Variants in C1orf94 observed in about 807,000 individuals in gnomAD.
C1orf94 encodes uncharacterized protein C1orf94.
In C1orf94, 45 loss-of-function variants were observed where a neutral mutation model predicts 53.6. That is an observed-to-expected ratio of 0.84 (90% CI 0.66 to 1.08). The LOEUF is 1.08. Among genes scored for constraint, C1orf94 ranks in the 50% least tolerant of loss-of-function variants. The probability of loss-of-function intolerance (pLI) is 0.00; values close to 1 mark genes in which losing one functional copy is unlikely to be tolerated. For missense variants in C1orf94, 762 were observed against 738.9 expected, an observed-to-expected ratio of 1.03 and a Z score of -0.36; for synonymous variants, 304 against 296.1, an observed-to-expected ratio of 1.03 and a Z score of -0.27.
intron 1 of C1orf94, among the ~76,000 whole-genome samples, chr1:34,187,478 T>C (rs138867073): frequency 0.016 from 2,466 of 152,216 alleles, 38 homozygotes; most frequent in Non-Finnish European, 0.027. Context: ...TCGGGAGCTG[T>C]GTCGCAGGTT....
At position 34,193,038 on chromosome 1, in the gene C1orf94, G is replaced by A. The variant is rs188039622; in HGVS notation, c.321-4187G>A. Among the ~76,000 whole-genome samples, 19 of 152,298 alleles carry A rather than the reference G, an allele frequency of 1.2e-4. 1 individual carries two copies. The South Asian group carries it at 2.1e-3, about 17-fold the overall frequency. On this transcript the variant is annotated intron_variant, in intron 1 of 6. Coordinates refer to ENST00000488417, the MANE Select transcript of C1orf94 (RefSeq NM_001134734.2). ...GAGAATGTCCTAGCTCTGCAGGCAC[G>A]TAGTTTTCTAGAATAAATAAGAACA...
intron 1 of C1orf94, among the ~76,000 whole-genome samples, chr1:34,193,980 A>G (rs1025627789): frequency 3.3e-5 from 5 of 152,166 alleles, no homozygotes; most frequent in Non-Finnish European, 7.3e-5. Flanking sequence ...TCTGGAGGCC[A>G]TATCCCCTGA....
Position 34,201,037 on chromosome 1 carries a change from G to A in C1orf94, c.1270+5G>A. ...TGGATGGGCCGGAGCTGAAATGTGA[G>A]CTGACCTACCCAGGGAGGGATTGGA... On this transcript the variant is annotated splice_donor_5th_base_variant and intron_variant, in intron 3 of 6. Coordinates refer to ENST00000488417, the MANE Select transcript of C1orf94 (RefSeq NM_001134734.2). 6.3e-7 allele frequency: 1 copy of A among 1,579,272 alleles called. No homozygotes were observed. The highest frequency in any genetic ancestry group is 1.1e-5 in the South Asian group (1 of 87,100).
chr1:34,169,003 T>A (rs577037985), intron 1 of C1orf94, among the ~76,000 whole-genome samples: 1 of 152,302 alleles, frequency 6.6e-6, no homozygotes, highest in Admixed American at 6.5e-5. Flanking sequence ...CTGTTTACAT[T>A]TATTTTCTGT....
chr1:34,214,292 G>A (rs144400910), intron 6 of C1orf94, among the ~76,000 whole-genome samples: 3 of 152,180 alleles, frequency 2.0e-5, no homozygotes, highest in African/African-American at 7.2e-5. Context: ...TGAAGAATTA[G>A]ATTTGTCTCT....
At chr1:34,185,445 G>A (rs1642371349) in intron 1 of C1orf94, among the ~76,000 whole-genome samples, 1 of 152,208 alleles carries the variant, frequency 6.6e-6, no homozygotes, top group Non-Finnish European at 1.5e-5. Flanking sequence ...CTCTCAAAGT[G>A]CTGGGATTAT....
intron 1 of C1orf94, among the ~76,000 whole-genome samples, chr1:34,191,701 C>A (rs910523804): frequency 6.6e-6 from 1 of 152,044 alleles, no homozygotes; most frequent in Non-Finnish European, 1.5e-5. Flanking sequence ...TTTTGGTATC[C>A]TCCTCCAGCA....
intron 1 of C1orf94, among the ~76,000 whole-genome samples, chr1:34,178,399 C>T (rs1172551146): frequency 2.0e-5 from 3 of 152,174 alleles, no homozygotes; most frequent in Non-Finnish European, 4.4e-5. Context: ...GAAAAACCAC[C>T]CTAGCTAAGG....
intron 1 of C1orf94, among the ~76,000 whole-genome samples, chr1:34,195,431 T>C (rs945393736): frequency 2.6e-5 from 4 of 152,184 alleles, no homozygotes; most frequent in Admixed American, 2.6e-4. Context: ...GTCTGGAGTC[T>C]GCTTTTTGCA....
At chr1:34,182,553 C>T (rs1642326473) in intron 1 of C1orf94, among the ~76,000 whole-genome samples, 1 of 152,102 alleles carries the variant, frequency 6.6e-6, no homozygotes. Context: ...CTAATGGTGG[C>T]AGTGGCTGGG....
At chr1:34,187,767 C>CCA in intron 1 of C1orf94, among the ~76,000 whole-genome samples, 2 of 22,906 alleles carry the variant, frequency 8.7e-5, no homozygotes, top group African/African-American at 1.8e-4. Context: ...CTGAATCCAC[C>CCA]CACCCCCCCC....
intron 1 of C1orf94, among the ~76,000 whole-genome samples, chr1:34,185,058 T>C (rs1642364919): frequency 6.6e-6 from 1 of 152,168 alleles, no homozygotes; most frequent in South Asian, 2.1e-4. Context: ...AAACACATCC[T>C]CACATCTCTC....
intron 1 of C1orf94, among the ~76,000 whole-genome samples, chr1:34,171,602 G>C (rs956032607): frequency 6.6e-6 from 1 of 152,186 alleles, no homozygotes; most frequent in Non-Finnish European, 1.5e-5. Flanking sequence ...ATGTTATGCT[G>C]TCTTCAGAGA....
chr1:34,199,263 G>C (rs751247219), intron 2 of C1orf94, among the ~76,000 whole-genome samples: 9 of 152,208 alleles, frequency 5.9e-5, no homozygotes, highest in Non-Finnish European at 1.3e-4. Flanking sequence ...GATGTTTAAG[G>C]CATCTGTAAA....
chr1:34,209,285 A>AACACACACACACACACAC lies in C1orf94; in HGVS notation c.1524+1069_1524+1086dup, dbSNP rs59376155. Among the ~76,000 whole-genome samples the AACACACACACACACACAC allele has an allele frequency of 3.9e-4, 56 of 143,722 alleles. 1 individual carries two copies. The highest frequency in any genetic ancestry group is 1.4e-3 in the African/African-American group (54 of 38,864). The allele number at this position is 143,722 out of a possible 152,430, so 94.3% of individuals were successfully genotyped here. On this transcript the variant is annotated intron_variant, in intron 5 of 6. Transcript: ENST00000488417. ...ATAAAGCAGCAGAAAGAGAAATGCA[A>AACACACACACACACACAC]ACACACACACACACACACACACACA...
At chr1:34,169,626 AGAGAGAGAG>A (rs780987927) in intron 1 of C1orf94, among the ~76,000 whole-genome samples, 1 of 94,526 alleles carries the variant, frequency 1.1e-5, no homozygotes, top group Non-Finnish European at 2.3e-5. Flanking sequence ...AGAGAGAGAG[AGAGAGAGAG>A]TGAGCAAATG....
At chr1:34,198,745 C>A (rs1362004699) in intron 2 of C1orf94, among the ~76,000 whole-genome samples, 1 of 152,214 alleles carries the variant, frequency 6.6e-6, no homozygotes, top group East Asian at 1.9e-4. Context: ...AAAATAAGAG[C>A]AAAGTCATCC....
intron 1 of C1orf94, among the ~76,000 whole-genome samples, chr1:34,179,292 A>G (rs1642277968): frequency 6.6e-6 from 1 of 152,236 alleles, no homozygotes; most frequent in African/African-American, 2.4e-5. Flanking sequence ...TACAGCTAAA[A>G]TCCTGCTGTC....
chr1:34,211,683 G>A (rs1230717873), intron 5 of C1orf94, among the ~76,000 whole-genome samples: 1 of 152,034 alleles, frequency 6.6e-6, no homozygotes, highest in East Asian at 1.9e-4. Flanking sequence ...CATGTCACAC[G>A]GCACAGATGT....
Sources: gnomAD v4.1 joint callset for allele counts (sites outside exome capture counted in the v4.1 genomes callset) on GRCh38, gnomAD v4.1.1 for gene constraint, MANE v1.5 for transcripts, NCBI Gene and HGNC (gene_info 2026-07-23, HGNC 2026-07-21) for gene names.